The following CTNNA1 variants were observed in gnomAD, a reference collection of about 807,000 sequenced individuals.
The protein encoded by CTNNA1 is catenin alpha-1.
A neutral mutation model predicts 98.4 loss-of-function variants in CTNNA1; 37 were observed. The observed-to-expected ratio is 0.38, with a 90% CI of 0.29 to 0.49. The LOEUF (loss-of-function observed/expected upper bound fraction) is 0.49, where lower values mean the gene tolerates loss of function less well. Ranked by LOEUF, CTNNA1 falls within the 20% of genes least tolerant of loss-of-function variation. CTNNA1 has a pLI of 0.95. For synonymous variants in CTNNA1, 404 were observed against 413.2 expected, an observed-to-expected ratio of 0.98 and a Z score of 0.27; for missense variants, 761 against 1,147.2, an observed-to-expected ratio of 0.66 and a Z score of 4.86.
intron 7 of CTNNA1, among the ~76,000 whole-genome samples, chr5:138,829,338 A>C (rs1761035056): frequency 6.6e-6 from 1 of 152,228 alleles, no homozygotes; most frequent in Non-Finnish European, 1.5e-5. Flanking sequence ...GGGGAACAAA[A>C]ACTCATGGTA....
chr5:138,775,948 G>A (rs1446919623), intron 1 of CTNNA1, among the ~76,000 whole-genome samples: 5 of 149,928 alleles, frequency 3.3e-5, no homozygotes, highest in African/African-American at 1.2e-4. Context: ...GGATGGTCTC[G>A]ATCTCCTGAC....
chr5:138,788,840 G>A (rs1756011019), intron 3 of CTNNA1, among the ~76,000 whole-genome samples: 1 of 152,104 alleles, frequency 6.6e-6, no homozygotes, highest in African/African-American at 2.4e-5. Context: ...CTAGAACAGT[G>A]TTTTATAATC....
intron 7 of CTNNA1, among the ~76,000 whole-genome samples, chr5:138,852,316 A>AT (rs1201440148): frequency 1.3e-5 from 2 of 151,464 alleles, no homozygotes; most frequent in East Asian, 1.9e-4. Flanking sequence ...CCATATTGAC[A>AT]TTTTTTTTGC....
At chr5:138,893,958 C>T (rs541403484) in intron 9 of CTNNA1, among the ~76,000 whole-genome samples, 1 of 152,074 alleles carries the variant, frequency 6.6e-6, no homozygotes, top group Non-Finnish European at 1.5e-5. Context: ...TGTTCTGTCA[C>T]TTAGGCTGGA....
chr5:138,797,319 C>T (rs1757084387), intron 3 of CTNNA1, among the ~76,000 whole-genome samples: 1 of 152,152 alleles, frequency 6.6e-6, no homozygotes, highest in African/African-American at 2.4e-5. Context: ...TATGATTAAG[C>T]TCTGTCGATA....
intron 1 of CTNNA1, among the ~76,000 whole-genome samples, chr5:138,763,915 G>T (rs1036924806): frequency 6.6e-6 from 1 of 152,210 alleles, no homozygotes. Flanking sequence ...TTTAGGCTGG[G>T]TGCGGTGGCT....
chr5:138,813,499 A>C (rs537853740), intron 5 of CTNNA1, among the ~76,000 whole-genome samples: 19 of 152,312 alleles, frequency 1.2e-4, no homozygotes, highest in Admixed American at 1.2e-3. Flanking sequence ...ACACCCGACA[A>C]AAGGTCTGAC....
intron 5 of CTNNA1, among the ~76,000 whole-genome samples, chr5:138,820,204 A>G (rs1759891470): frequency 6.6e-6 from 1 of 151,940 alleles, no homozygotes; most frequent in African/African-American, 2.4e-5. Context: ...TAAGGGTATA[A>G]CAGTTGCTTG....
At chr5:138,912,317 A>G (rs947320370) in intron 10 of CTNNA1, among the ~76,000 whole-genome samples, 1 of 152,180 alleles carries the variant, frequency 6.6e-6, no homozygotes, top group Non-Finnish European at 1.5e-5. Context: ...AGGGGTGGGA[A>G]GAGTAGAAAG....
At chr5:138,904,325 A>G (rs1401313648) in intron 9 of CTNNA1, 24 bp from the exon 10 acceptor site, 1 of 1,603,426 alleles carries the variant, frequency 6.2e-7, no homozygotes, top group Non-Finnish European at 8.5e-7. Flanking sequence ...AAAAATCTTT[A>G]AAGATTATTT....
At chr5:138,896,264 T>C (rs1426575593) in intron 9 of CTNNA1, among the ~76,000 whole-genome samples, 1 of 152,134 alleles carries the variant, frequency 6.6e-6, no homozygotes, top group African/African-American at 2.4e-5. Flanking sequence ...TTCTTGCTTT[T>C]TTGCCCACAC....
At chr5:138,795,787 A>G (rs541424270) in intron 3 of CTNNA1, among the ~76,000 whole-genome samples, 17 of 152,286 alleles carry the variant, frequency 1.1e-4, no homozygotes, top group Admixed American at 2.0e-4. Context: ...CTCCCTGGGT[A>G]GAATTAAAAA....
At chr5:138,832,145 T>A (rs1298257057) in intron 7 of CTNNA1, among the ~76,000 whole-genome samples, 1 of 152,246 alleles carries the variant, frequency 6.6e-6, no homozygotes, top group East Asian at 1.9e-4. Flanking sequence ...CCAAATCCCC[T>A]TTTAAAGTTT....
At chr5:138,923,909 G>T (rs1016314906) in intron 11 of CTNNA1, among the ~76,000 whole-genome samples, 1 of 152,156 alleles carries the variant, frequency 6.6e-6, no homozygotes, top group Non-Finnish European at 1.5e-5. Context: ...CACCTCTAGG[G>T]ACCCTTCAAA....
At chr5:138,905,870 T>TA (rs1759137531) in intron 10 of CTNNA1, among the ~76,000 whole-genome samples, 1 of 152,246 alleles carries the variant, frequency 6.6e-6, no homozygotes, top group South Asian at 2.1e-4. Context: ...TCTGAGGACT[T>TA]ACCTCTCTTT....
chr5:138,883,909 TA>T (rs1182665352), intron 7 of CTNNA1, among the ~76,000 whole-genome samples: 1 of 152,238 alleles, frequency 6.6e-6, no homozygotes, highest in African/African-American at 2.4e-5. Flanking sequence ...TTTTGAGCTT[TA>T]AGATTGCCAG....
At chr5:138,833,017 T>C (rs1472927996) in intron 7 of CTNNA1, among the ~76,000 whole-genome samples, 2 of 152,248 alleles carry the variant, frequency 1.3e-5, no homozygotes, top group South Asian at 2.1e-4. Flanking sequence ...TTTTAAGGCA[T>C]GTGTTTTTCC....
intron 1 of CTNNA1, among the ~76,000 whole-genome samples, chr5:138,776,150 T>C (rs1754138168): frequency 6.9e-6 from 1 of 145,866 alleles, no homozygotes; most frequent in Admixed American, 7.2e-5. Flanking sequence ...GATAAACAAG[T>C]GAACAAAGGT....
At chr5:138,799,856 A>AGATG (rs373540640) in intron 3 of CTNNA1, among the ~76,000 whole-genome samples, 32 of 62,184 alleles carry the variant, frequency 5.1e-4, no homozygotes, top group Admixed American at 8.4e-4. Flanking sequence ...GAGTAGATGT[A>AGATG]GATGTATGTA....
Sources: gnomAD v4.1 joint callset for allele counts (sites outside exome capture counted in the v4.1 genomes callset) on GRCh38, gnomAD v4.1.1 for gene constraint, MANE v1.5 for transcripts, NCBI Gene and HGNC (gene_info 2026-07-23, HGNC 2026-07-21) for gene names.